The following ITSN1 variants were observed in gnomAD, a reference collection of about 807,000 sequenced individuals.
ITSN1 encodes the protein intersectin 1, also known as intersectin-1.
A neutral mutation model predicts 239.8 loss-of-function variants in ITSN1; 58 were observed. The ratio of observed to expected loss-of-function variants is 0.24; its 90% CI spans 0.20 to 0.30. The LOEUF is 0.30. ITSN1 is among the 10% of genes least tolerant of loss of function. ITSN1 has a pLI of 1.00. For missense variants in ITSN1, 1,558 were observed against 2,103.3 expected (o/e 0.74, Z 5.07); for synonymous variants, 780 against 770.8 (o/e 1.01, Z -0.20).
At chr21:33,722,744 A>G (rs2065576433) in intron 4 of ITSN1, 93 bp downstream of exon 4, 2 of 1,222,638 alleles carry the variant, frequency 1.6e-6, no homozygotes, top group African/African-American at 1.6e-5. Context: ...CTTATGTTAT[A>G]AAAGGAGAAC....
intron 24 of ITSN1, among the ~76,000 whole-genome samples, chr21:33,822,918 A>G (rs1294590803): frequency 1.3e-5 from 2 of 152,246 alleles, no homozygotes; most frequent in African/African-American, 2.4e-5. Context: ...CATATTGTGT[A>G]TATGGCACAA....
At chr21:33,803,014 G>A (rs1295216799) in intron 20 of ITSN1, among the ~76,000 whole-genome samples, 1 of 152,160 alleles carries the variant, frequency 6.6e-6, no homozygotes, top group Non-Finnish European at 1.5e-5. Context: ...ATTGGCAGAG[G>A]GTGGGAAGGG....
intron 33 of ITSN1, among the ~76,000 whole-genome samples, chr21:33,874,457 T>TCTAA (rs1983340509): frequency 6.6e-6 from 1 of 152,112 alleles, no homozygotes; most frequent in Non-Finnish European, 1.5e-5. Context: ...CAAGGGCACC[T>TCTAA]GTTGGCTCTT....
At chr21:33,886,173 C>T in intron 38 of ITSN1, 114 bp from the exon 39 acceptor site, 1 of 824,856 alleles carries the variant, frequency 1.2e-6, no homozygotes, top group African/African-American at 1.7e-5. Flanking sequence ...GATCATACCA[C>T]TGCACTGCAG....
intron 38 of ITSN1, 59 bp from the exon 39 acceptor site, chr21:33,886,228 A>T: frequency 3.8e-6 from 5 of 1,314,610 alleles, no homozygotes; most frequent in Non-Finnish European, 5.3e-6. Flanking sequence ...AAAAAAAAAA[A>T]GAGTGGAGAT....
At chr21:33,838,645 G>A (rs2074715954) in intron 29 of ITSN1, 3 of 176,066 alleles carry the variant, frequency 1.7e-5, no homozygotes, top group Admixed American at 6.5e-5. Context: ...GAGGCTCGCC[G>A]AGTCTTTGTT....
In ITSN1 at chr21:33,735,208, A is replaced by G; in HGVS notation, c.346+4A>G. The G allele has an allele frequency of 6.2e-7, 1 of 1,611,108 alleles. No homozygotes were observed. The highest frequency in any genetic ancestry group is 8.5e-7 in the Non-Finnish European group (1 of 1,178,886). ...ATTTCTAGCGCACCAGCATTTGGTA[A>G]GTCTGAAAATGAATTGGTTTCTGTA... On this transcript the variant is annotated splice_donor_region_variant and intron_variant, in intron 5 of 39. Coordinates refer to ENST00000381318, the MANE Select transcript of ITSN1 (RefSeq NM_003024.3).
intron 1 of ITSN1, among the ~76,000 whole-genome samples, chr21:33,665,929 TC>T (rs1241179169): frequency 6.6e-6 from 1 of 151,494 alleles, no homozygotes; most frequent in African/African-American, 2.4e-5. Flanking sequence ...ACTGTATGGT[TC>T]CTTTTTTTTT....
In ITSN1 at chr21:33,697,960, A is replaced by G. The variant is rs140916279; in HGVS notation, c.-32-20837A>G. On this transcript the variant is annotated intron_variant, in intron 1 of 39. Transcript: ENST00000381318. ...AGTTAGTTGGTGGTCTGGAAGAAGA[A>G]AAAAGAGCTTCAAAGAGGGGACTGT... Among the ~76,000 whole-genome samples, 343 of 152,342 alleles carry G rather than the reference A, an allele frequency of 2.3e-3. 1 individual carries two copies. Among genetic ancestry groups the G allele is most frequent in the African/African-American group, 8.0e-3 (334 of 41,586 alleles).
intron 24 of ITSN1, among the ~76,000 whole-genome samples, chr21:33,819,682 C>T (rs1471989551): frequency 2.0e-5 from 3 of 152,160 alleles, no homozygotes; most frequent in African/African-American, 7.2e-5. Context: ...ATAAGTATTT[C>T]GTTTTAAAAG....
intron 1 of ITSN1, among the ~76,000 whole-genome samples, chr21:33,671,443 C>A (rs1005278357): frequency 6.6e-6 from 1 of 151,856 alleles, no homozygotes; most frequent in Non-Finnish European, 1.5e-5. Context: ...CCGGCCACCA[C>A]GCCCGACTAA....
At chr21:33,823,717 G>A (rs1391289480) in intron 25 of ITSN1, 64 bp downstream of exon 25, 3 of 1,474,046 alleles carry the variant, frequency 2.0e-6, no homozygotes, top group South Asian at 2.5e-5. Flanking sequence ...GGGGAGTCAC[G>A]ATGTTTGACA....
intron 16 of ITSN1, among the ~76,000 whole-genome samples, chr21:33,791,885 C>G (rs1455062426): frequency 1.3e-5 from 2 of 152,060 alleles, no homozygotes; most frequent in Non-Finnish European, 2.9e-5. Context: ...TAATCAGATT[C>G]CTGAACATCA....
intron 1 of ITSN1, among the ~76,000 whole-genome samples, chr21:33,667,898 G>A (rs992127087): frequency 6.6e-6 from 1 of 152,190 alleles, no homozygotes; most frequent in Non-Finnish European, 1.5e-5. Flanking sequence ...GTGATTGTGA[G>A]GTGGGTTGGG....
At chr21:33,787,206 A>G (rs750228788) in intron 16 of ITSN1, among the ~76,000 whole-genome samples, 2 of 152,140 alleles carry the variant, frequency 1.3e-5, no homozygotes, top group Non-Finnish European at 2.9e-5. Flanking sequence ...AGCATTTTAG[A>G]TCATTGAATT....
intron 34 of ITSN1, among the ~76,000 whole-genome samples, chr21:33,877,170 C>T (rs1185075719): frequency 6.7e-6 from 1 of 150,278 alleles, no homozygotes; most frequent in Non-Finnish European, 1.5e-5. Context: ...TCTCCTGCCT[C>T]AGCCTCAAAA....
In ITSN1 at chr21:33,883,467, A is replaced by G. The variant is rs536377507; in HGVS notation, c.4555-83A>G. 4.7e-5 allele frequency: 73 copies of G among 1,550,836 alleles called. 1 individual carries two copies. In the East Asian group the frequency reaches 1.4e-3, roughly 30 times the overall value. On this transcript the variant is annotated intron_variant, in intron 35 of 39. Coordinates refer to ENST00000381318, the MANE Select transcript of ITSN1 (RefSeq NM_003024.3). Reference sequence around the variant, plus strand: ...GTCTCGTTTACTAGAACACATTGGCATAAGTGTGCTCACACACTCACGGTT... The same window carrying G: ...GTCTCGTTTACTAGAACACATTGGCGTAAGTGTGCTCACACACTCACGGTT...
intron 39 of ITSN1, among the ~76,000 whole-genome samples, chr21:33,887,351 G>A (rs1239890088): frequency 6.6e-6 from 1 of 151,544 alleles, no homozygotes; most frequent in Non-Finnish European, 1.5e-5. Flanking sequence ...TAAGTTAAAA[G>A]ATTATGGTCT....
At chr21:33,722,784 C>T (rs2065578819) in intron 4 of ITSN1, 133 bp downstream of exon 4, 1 of 841,788 alleles carries the variant, frequency 1.2e-6, no homozygotes, top group Non-Finnish European at 1.7e-6. Context: ...TATCTTGTTA[C>T]TTCTTACCAG....
Sources: allele counts gnomAD v4.1 joint callset (sites outside exome capture counted in the v4.1 genomes callset), GRCh38; gene constraint gnomAD v4.1.1; transcripts MANE v1.5; gene names NCBI Gene and HGNC (gene_info 2026-07-23, HGNC 2026-07-21).